Variants in SNTG1 observed in about 807,000 individuals in gnomAD.
The protein encoded by SNTG1 is syntrophin gamma 1.
Under a neutral mutation model 74.7 loss-of-function variants are expected in SNTG1, and 39 were observed. The observed-to-expected ratio is 0.52, with a 90% confidence interval of 0.40 to 0.68. The LOEUF is 0.68. Ranked by LOEUF, SNTG1 falls within the 30% of genes least tolerant of loss-of-function variation. The probability of loss-of-function intolerance (pLI) is 0.00; values close to 1 mark genes in which losing one functional copy is unlikely to be tolerated. For missense variants in SNTG1, 685 were observed against 609.5 expected, an observed-to-expected ratio of 1.12 and a Z score of -1.30; for synonymous variants, 254 against 217.1, an observed-to-expected ratio of 1.17 and a Z score of -1.49.
chr8:50,648,294 G>A lies in SNTG1; in HGVS notation c.850-8615G>A, dbSNP rs1188584672. On this transcript the variant is annotated intron_variant, in intron 13 of 18. Transcript: ENST00000642720. ...ACCACCCTTAATATTTCAGCCTGCA[G>A]CAAAGTATAGAGGTTGGAAGAGACA... 2.0e-5 allele frequency among the ~76,000 whole-genome samples: 3 copies of A among 152,146 alleles called. No individual in the cohort carries two copies. In the East Asian group the frequency reaches 5.8e-4, roughly 29 times the overall value.
intron 1 of SNTG1, among the ~76,000 whole-genome samples, chr8:50,169,997 G>A (rs1025379956): frequency 6.6e-6 from 1 of 152,140 alleles, no homozygotes. Context: ...GTGGAAATGA[G>A]GGTGGTAAAT....
chr8:50,021,575 T>A (rs1043134281), intron 1 of SNTG1, among the ~76,000 whole-genome samples: 1 of 152,152 alleles, frequency 6.6e-6, no homozygotes, highest in African/African-American at 2.4e-5. Flanking sequence ...GGGTCAATCC[T>A]GTATCATGGT....
intron 2 of SNTG1, among the ~76,000 whole-genome samples, chr8:50,389,667 C>T (rs1250194673): frequency 6.6e-6 from 1 of 152,162 alleles, no homozygotes; most frequent in Non-Finnish European, 1.5e-5. Flanking sequence ...ACACTGTCTT[C>T]CACAATGGTT....
intron 1 of SNTG1, among the ~76,000 whole-genome samples, chr8:49,959,607 G>C (rs1179353895): frequency 1.3e-5 from 2 of 152,210 alleles, no homozygotes; most frequent in African/African-American, 4.8e-5. Flanking sequence ...CATCCATGTT[G>C]TGTAGCACGT....
chr8:50,011,979 T>C lies in SNTG1; in HGVS notation c.-103+99748T>C, dbSNP rs146416692. On this transcript the variant is annotated intron_variant, in intron 1 of 18. Transcript: ENST00000642720. ...TTTTTTTCCTTTATATTTGGAAACA[T>C]CCCATGGCCCACAAAACATTCCTCA... 1.6e-3 allele frequency: 247 copies of C among 152,280 alleles called. 4 individuals are homozygous for C. The highest frequency in any genetic ancestry group is 5.7e-3 in the African/African-American group (238 of 41,564). The allele number at this position is 152,280 out of a possible 1,614,324, so 9.4% of individuals were successfully genotyped here.
At chr8:50,177,528 C>T (rs866969149) in intron 2 of SNTG1, among the ~76,000 whole-genome samples, 1 of 152,136 alleles carries the variant, frequency 6.6e-6, no homozygotes, top group Non-Finnish European at 1.5e-5. Context: ...TGCTCCAACC[C>T]GTGGGACACA....
chr8:50,753,109 T>G (rs2095571760), intron 18 of SNTG1, among the ~76,000 whole-genome samples: 1 of 151,964 alleles, frequency 6.6e-6, no homozygotes, highest in African/African-American at 2.4e-5. Context: ...CCTTGCTAAC[T>G]TCTTCCACTC....
chr8:50,322,054 T>A (rs895974898), intron 2 of SNTG1, among the ~76,000 whole-genome samples: 7 of 152,128 alleles, frequency 4.6e-5, no homozygotes, highest in African/African-American at 1.7e-4. Context: ...ATTCAGATGA[T>A]TTTTTATTGC....
intron 1 of SNTG1, among the ~76,000 whole-genome samples, chr8:50,146,052 G>T (rs1035482895): frequency 6.6e-6 from 1 of 151,742 alleles, no homozygotes. Context: ...ACTTATTAAG[G>T]CACTTTGGAA....
chr8:50,717,933 G>C (rs1333752464), intron 17 of SNTG1, among the ~76,000 whole-genome samples: 2 of 152,162 alleles, frequency 1.3e-5, no homozygotes, highest in Non-Finnish European at 2.9e-5. Flanking sequence ...GGGGCACTGT[G>C]TTTTCTGTAA....
At chr8:49,983,297 G>A (rs545383150) in intron 1 of SNTG1, among the ~76,000 whole-genome samples, 1 of 152,122 alleles carries the variant, frequency 6.6e-6, no homozygotes, top group African/African-American at 2.4e-5. Flanking sequence ...AAAGTTTAGA[G>A]AATTTGAAGC....
chr8:50,306,868 A>G (rs1006162632), intron 2 of SNTG1, among the ~76,000 whole-genome samples: 6 of 151,984 alleles, frequency 3.9e-5, no homozygotes, highest in East Asian at 3.9e-4. Flanking sequence ...TTCTTTTGCC[A>G]TGCGGAAGCT....
chr8:50,693,263 G>A (rs1432228315), intron 15 of SNTG1, among the ~76,000 whole-genome samples: 1 of 152,098 alleles, frequency 6.6e-6, no homozygotes, highest in African/African-American at 2.4e-5. Flanking sequence ...CCACTGTCCT[G>A]CACCTACTAT....
intron 1 of SNTG1, among the ~76,000 whole-genome samples, chr8:50,102,427 T>C (rs1322114598): frequency 6.7e-6 from 1 of 149,090 alleles, no homozygotes; most frequent in East Asian, 2.0e-4. Flanking sequence ...TCTTGTAAAT[T>C]TGTTTGAGTT....
chr8:49,991,676 A>G (rs918619335), intron 1 of SNTG1, among the ~76,000 whole-genome samples: 4 of 152,220 alleles, frequency 2.6e-5, no homozygotes, highest in African/African-American at 9.6e-5. Context: ...AGCTTTGAAA[A>G]CATTACGCTA....
At chr8:50,669,696 C>A (rs545950518) in intron 15 of SNTG1, among the ~76,000 whole-genome samples, 1 of 152,154 alleles carries the variant, frequency 6.6e-6, no homozygotes, top group African/African-American at 2.4e-5. Flanking sequence ...TTTTATGAGG[C>A]CAGCATCATC....
chr8:50,637,132 G>A (rs777670040), intron 13 of SNTG1, among the ~76,000 whole-genome samples: 2 of 152,168 alleles, frequency 1.3e-5, no homozygotes, highest in African/African-American at 4.8e-5. Context: ...TACCTGCAAA[G>A]AAGCATGAGA....
intron 15 of SNTG1, among the ~76,000 whole-genome samples, chr8:50,695,793 G>T (rs141570307): frequency 9.2e-5 from 14 of 151,530 alleles, no homozygotes; most frequent in African/African-American, 3.4e-4. Context: ...TGCTGCAAAA[G>T]ACATAATTGT....
At chr8:50,119,864 C>T (rs2080939379) in intron 1 of SNTG1, among the ~76,000 whole-genome samples, 1 of 142,010 alleles carries the variant, frequency 7.0e-6, no homozygotes, top group Non-Finnish European at 1.6e-5. Flanking sequence ...CTTGCTGTTA[C>T]AGGAAAGTGC....
Sources: gnomAD v4.1 joint callset for allele counts (sites outside exome capture counted in the v4.1 genomes callset) on GRCh38, gnomAD v4.1.1 for gene constraint, MANE v1.5 for transcripts, NCBI Gene and HGNC (gene_info 2026-07-23, HGNC 2026-07-21) for gene names.